ADAMTS15: variants seen among roughly 807,000 people sequenced by gnomAD.
ADAMTS15 encodes the protein ADAM metallopeptidase with thrombospondin type 1 motif 15.
ADAMTS15 carries 35 observed loss-of-function variants against 79.1 expected under a neutral mutation model. The ratio of observed to expected loss-of-function variants is 0.44; its 90% CI spans 0.34 to 0.59. The LOEUF is 0.59. ADAMTS15 is among the 20% of genes least tolerant of loss of function. The probability of loss-of-function intolerance (pLI) is 0.02; values close to 1 mark genes in which losing one functional copy is unlikely to be tolerated. For synonymous variants in ADAMTS15, 616 were observed against 567.3 expected (o/e 1.09, Z -1.22); for missense variants, 1,324 against 1,318.7 (o/e 1.00, Z -0.06).
intron 4 of ADAMTS15, among the ~76,000 whole-genome samples, chr11:130,468,887 A>C (rs1388088604): frequency 6.8e-6 from 1 of 147,558 alleles, no homozygotes; most frequent in African/African-American, 2.5e-5. Context: ...CAGTGAGCCA[A>C]TATTGTGCCA....
Position 130,468,834 on chromosome 11 carries a change from G to A in ADAMTS15, c.1543-428G>A, listed in dbSNP as rs1296763675. Among the ~76,000 whole-genome samples, 3 of 150,650 alleles carry A rather than the reference G, an allele frequency of 2.0e-5. No individual in the cohort carries two copies. The South Asian group carries it at 6.3e-4, about 32-fold the overall frequency. On this transcript the variant is annotated intron_variant, in intron 4 of 7. Coordinates refer to ENST00000299164, the MANE Select transcript of ADAMTS15 (RefSeq NM_139055.4). ...CACCTGTAATCCCAGCTACTCGGGA[G>A]GCTGAGGCTGGAGAATCACTTGAAC...
intron 4 of ADAMTS15, among the ~76,000 whole-genome samples, chr11:130,465,936 G>A (rs1938291506): frequency 2.0e-5 from 3 of 149,678 alleles, no homozygotes; most frequent in African/African-American, 7.4e-5. Context: ...ACGGTGGCAT[G>A]ATCTTGGCTT....
chr11:130,449,122 A>T lies in ADAMTS15; in HGVS notation c.149A>T (p.Asp50Val). 1.9e-6 allele frequency: 3 copies of T among 1,589,346 alleles called. No individual in the cohort carries two copies. Among genetic ancestry groups the T allele is most frequent in the Non-Finnish European group, 2.6e-6 (3 of 1,164,570 alleles). Residue 50 changes from aspartate to valine, a missense_variant, in exon 1 of 8, where the codon GAT (aspartate) becomes GTT (valine). Physicochemically the swap from Asp to Val is radical, Grantham distance 152. Coordinates refer to ENST00000299164, the MANE Select transcript of ADAMTS15 (RefSeq NM_139055.4). The surrounding 1 kb of genome is among the most constrained non-coding windows in gnomAD (Gnocchi z 7.8). ...TGGCGGGGTCCCGAGGACTCCGGGG[A>T]TCAGGGACTCATTTTTCAGATCACA... is the stretch of plus-strand genomic sequence containing the variant. ...YYWRGPEDSGDQGLIFQITAF... is the reference protein window; with the variant it reads ...YYWRGPEDSGVQGLIFQITAF...
rs540572239 is a variant in ADAMTS15 at position 130,474,933 on chromosome 11, G to T, written c.*1112G>T. 6.6e-6 allele frequency: 1 copy of T among 152,334 alleles called. No homozygotes were observed. The highest frequency in any genetic ancestry group is 1.5e-5 in the Non-Finnish European group (1 of 68,134). 9.4% of individuals were successfully genotyped at this position (152,334 alleles called of 1,614,324 possible). A position where few individuals can be genotyped will look rare whatever the true frequency, so the allele number is the denominator to read the frequency against. On this transcript the variant is annotated 3_prime_UTR_variant, in exon 8 of 8. Transcript: ENST00000299164. ...TCTATGTGCCTATAAACTCGTCTTC[G>T]TTCCAAACAGCTACTGCTGTCTGCC... is the stretch of plus-strand genomic sequence containing the variant.
intron 4 of ADAMTS15, among the ~76,000 whole-genome samples, chr11:130,468,765 A>AC (rs1158082533): frequency 1.2e-4 from 4 of 32,604 alleles, no homozygotes; most frequent in Non-Finnish European, 3.3e-4. Context: ...ACTCCATCTC[A>AC]AAAAAAAAAA....
rs1343381662 is a variant in ADAMTS15, at chr11:130,448,780, A to G, written c.-194A>G. Among the ~76,000 whole-genome samples the G allele has an allele frequency of 2.0e-5, 3 of 152,170 alleles. No individual in the cohort carries two copies. Among genetic ancestry groups the G allele is most frequent in the Non-Finnish European group, 2.9e-5 (2 of 68,008 alleles). ...GCGCTTTGCTTGGAAAGGCACAGGT[A>G]GGAAGCGCGGGCTGCCGGGTGCACG... is the stretch of plus-strand genomic sequence containing the variant. On this transcript the variant is annotated 5_prime_UTR_variant, in exon 1 of 8. Coordinates refer to ENST00000299164, the MANE Select transcript of ADAMTS15 (RefSeq NM_139055.4).
At position 130,462,181 on chromosome 11, in the gene ADAMTS15, C is replaced by G. The variant is rs1298850314; in HGVS notation, c.1185C>G (p.Ile395Met). The G allele has an allele frequency of 1.9e-6, 3 of 1,614,092 alleles. No individual in the cohort carries two copies. Among genetic ancestry groups the G allele is most frequent in the Non-Finnish European group, 2.5e-6 (3 of 1,180,050 alleles). Residue 395 changes from isoleucine to methionine, a missense_variant, in exon 3 of 8, where the codon ATC (isoleucine) becomes ATG (methionine). Ile to Met is a conservative substitution (Grantham distance 10). Coordinates refer to ENST00000299164, the MANE Select transcript of ADAMTS15 (RefSeq NM_139055.4). This position sits in a 1 kb window ranked among gnomAD's most constrained non-coding sequence, Gnocchi z 4.3. Reference sequence around the variant, plus strand: ...ACCACATGATGTCCCCGACCCTCATCCAGATCGACCGTGCCAACCCCTGGT... The same window carrying G: ...ACCACATGATGTCCCCGACCCTCATGCAGATCGACCGTGCCAACCCCTGGT... ...RANHMMSPTL[I>M]QIDRANPWSA...
Position 130,472,389 on chromosome 11 carries a change from C to T in ADAMTS15, c.2079-658C>T, listed in dbSNP as rs1938477024. Among the ~76,000 whole-genome samples the T allele has an allele frequency of 1.3e-5, 2 of 152,278 alleles. No individual in the cohort carries two copies. The highest frequency in any genetic ancestry group is 2.1e-4 in the South Asian group (1 of 4,834). On this transcript the variant is annotated intron_variant, in intron 7 of 7. Transcript: ENST00000299164. The surrounding 1 kb of genome is among the most constrained non-coding windows in gnomAD (Gnocchi z 4.7). Reference sequence around the variant, plus strand: ...GCAGGGACCTGTGGTGGCAAGGCCACGTGGGGAGTGGGAGGTACATACCCC... The same window carrying T: ...GCAGGGACCTGTGGTGGCAAGGCCATGTGGGGAGTGGGAGGTACATACCCC...
rs368055583 is a variant in ADAMTS15, at chr11:130,471,268, A to C, written c.1963A>C (p.Ile655Leu). The C allele has an allele frequency of 6.2e-7, 1 of 1,613,128 alleles. No individual in the cohort carries two copies. Among genetic ancestry groups the C allele is most frequent in the South Asian group, 1.1e-5 (1 of 90,870 alleles). Residue 655 changes from isoleucine to leucine, a missense_variant, in exon 7 of 8, where the codon ATC becomes CTC. By Grantham distance (5) the Ile-to-Leu change is conservative. Transcript: ENST00000299164. Reference protein sequence around the residue: ...STSVCVQGKCIKAGCDGNLGS... With the variant: ...STSVCVQGKCLKAGCDGNLGS... ...CTCCGTCTGTGTCCAAGGCAAGTGC[A>C]TCAAGGCTGGCTGTGATGGGAACCT...
rs761232926 is a variant in ADAMTS15, at chr11:130,470,142, A to ATG, written c.1720+704_1720+705insGT. Among the ~76,000 whole-genome samples the ATG allele has an allele frequency of 1.1e-3, 69 of 63,426 alleles. 1 individual carries two copies. The highest frequency in any genetic ancestry group is 1.8e-3 in the Non-Finnish European group (59 of 32,386). 41.6% of individuals were successfully genotyped at this position (63,426 alleles called of 152,430 possible). ...ATCATATATATATATACATATATAT[A>ATG]TATATATATGTGTATATATATATAT... is the stretch of plus-strand genomic sequence containing the variant. On this transcript the variant is annotated intron_variant, in intron 5 of 7. Transcript: ENST00000299164.
chr11:130,471,471 G>A, intron 7 of ADAMTS15, 88 bp downstream of exon 7: 2 of 1,476,594 alleles, frequency 1.4e-6, no homozygotes, highest in Non-Finnish European at 1.8e-6. Flanking sequence ...GTTAGACTGG[G>A]GTAAATGTCA....
At chr11:130,470,834 C>T (rs1592150933) in intron 5 of ADAMTS15, 86 bp from the exon 6 acceptor site, 1 of 1,453,288 alleles carries the variant, frequency 6.9e-7, no homozygotes, top group South Asian at 1.3e-5. Flanking sequence ...GCTAAGAGAG[C>T]CACGGCAGGC....
chr11:130,453,725 G>A (rs1311903085), intron 1 of ADAMTS15, among the ~76,000 whole-genome samples: 1 of 152,018 alleles, frequency 6.6e-6, no homozygotes, highest in Non-Finnish European at 1.5e-5. Flanking sequence ...CCATGCCTGA[G>A]CTCTGTAATA....
chr11:130,462,793 T>C lies in ADAMTS15; in HGVS notation c.1542+13T>C, dbSNP rs1489429756. 1.9e-6 allele frequency: 3 copies of C among 1,572,832 alleles called. No homozygotes were observed. Among genetic ancestry groups the C allele is most frequent in the Non-Finnish European group, 2.6e-6 (3 of 1,152,212 alleles). The stretch of plus-strand genomic sequence containing the variant: ...CAACAAGCACAGGGTGAGTGAGTGC[T>C]GGAGCTGCGCTCGGGGACTGCTGGG... On this transcript the variant is annotated intron_variant, in intron 4 of 7. Coordinates refer to ENST00000299164, the MANE Select transcript of ADAMTS15 (RefSeq NM_139055.4). The surrounding 1 kb of genome is among the most constrained non-coding windows in gnomAD (Gnocchi z 4.3).
At chr11:130,464,650 T>C (rs1393898225) in intron 4 of ADAMTS15, among the ~76,000 whole-genome samples, 1 of 152,162 alleles carries the variant, frequency 6.6e-6, no homozygotes, top group Non-Finnish European at 1.5e-5. Context: ...AACATGCAAT[T>C]GTGCTCACTG....
At chr11:130,464,938 G>T (rs577430309) in intron 4 of ADAMTS15, among the ~76,000 whole-genome samples, 51 of 149,578 alleles carry the variant, frequency 3.4e-4, no homozygotes, top group Middle Eastern at 3.5e-3. Context: ...CTGCACTCCA[G>T]CCTGGGTGAC....
At chr11:130,468,135 G>A (rs1317701288) in intron 4 of ADAMTS15, among the ~76,000 whole-genome samples, 1 of 152,200 alleles carries the variant, frequency 6.6e-6, no homozygotes, top group Non-Finnish European at 1.5e-5. Context: ...TGTGAGATAA[G>A]AGCACTCTCT....
chr11:130,468,249 AT>A (rs1447021333), intron 4 of ADAMTS15, among the ~76,000 whole-genome samples: 2 of 152,082 alleles, frequency 1.3e-5, no homozygotes, highest in Admixed American at 1.3e-4. Context: ...TATCAAACCC[AT>A]TTTTGCAAGT....
Position 130,449,174 on chromosome 11 carries a change from C to G in ADAMTS15, c.201C>G (p.His67Gln), listed in dbSNP as rs1344147272. The change falls in exon 1 of 8, where the codon CAC becomes CAG. Residue 67 changes from histidine (H) to glutamine (Q), a missense_variant. Physicochemically the swap from His to Gln is conservative, Grantham distance 24. Coordinates refer to ENST00000299164, the MANE Select transcript of ADAMTS15 (RefSeq NM_139055.4). This position sits in a 1 kb window ranked among gnomAD's most constrained non-coding sequence, Gnocchi z 7.8. ...CATTTCAGGAGGACTTTTACCTACA[C>G]CTGACGCCGGATGCTCAGTTCTTGG... ...ITAFQEDFYL[H>Q]LTPDAQFLAP... 6.2e-7 allele frequency: 1 copy of G among 1,612,188 alleles called. No homozygotes were observed. The highest frequency in any genetic ancestry group is 1.3e-5 in the African/African-American group (1 of 74,988).
Sources: allele counts gnomAD v4.1 joint callset (sites outside exome capture counted in the v4.1 genomes callset), GRCh38; gene constraint gnomAD v4.1.1; non-coding constraint Gnocchi (gnomAD v3.1); transcripts MANE v1.5; gene names NCBI Gene and HGNC (gene_info 2026-07-23, HGNC 2026-07-21).